Variants in ARHGEF37 observed in about 807,000 individuals in gnomAD.
ARHGEF37 encodes the protein Rho guanine nucleotide exchange factor (GEF) 37.
A neutral mutation model predicts 71.1 loss-of-function variants in ARHGEF37; 55 were observed. The ratio of observed to expected loss-of-function variants is 0.77; its 90% CI spans 0.62 to 0.97. ARHGEF37 has a LOEUF of 0.97. Ranked by LOEUF, ARHGEF37 falls within the 50% of genes least tolerant of loss-of-function variation. The pLI, the probability that ARHGEF37 is intolerant of heterozygous loss-of-function variation, is 0.00. For synonymous variants in ARHGEF37, 327 were observed against 350.6 expected (o/e 0.93, Z 0.75); for missense variants, 765 against 836.8 (o/e 0.91, Z 1.06).
At chr5:149,585,797 G>A (rs1763219717) in intron 1 of ARHGEF37, among the ~76,000 whole-genome samples, 1 of 152,236 alleles carries the variant, frequency 6.6e-6, no homozygotes, top group Admixed American at 6.5e-5. Context: ...CGGATTACAA[G>A]TGTGAGCCAC....
In ARHGEF37 at chr5:149,576,431, G is replaced by T. The variant is rs184312071; in HGVS notation, c.-11-21328G>T. Among the ~76,000 whole-genome samples the T allele has an allele frequency of 1.3e-4, 20 of 152,330 alleles. No individual in the cohort carries two copies. In the East Asian group the frequency reaches 3.7e-3, roughly 28 times the overall value. ...TCAGTTTTCTCATTTGTAGAAAGAAGATGGTAACACTTATCTTTTAGTATC... is the reference window on the plus strand; with the variant it reads ...TCAGTTTTCTCATTTGTAGAAAGAATATGGTAACACTTATCTTTTAGTATC... On this transcript the variant is annotated intron_variant, in intron 1 of 2. Coordinates refer to the ARHGEF37 transcript ENST00000505810.
In ARHGEF37 at chr5:149,632,026, G is replaced by A; in HGVS notation, c.1863G>A (p.Val621=). 1.9e-6 allele frequency: 3 copies of A among 1,614,256 alleles called. No individual in the cohort carries two copies. Among genetic ancestry groups the A allele is most frequent in the Admixed American group, 1.7e-5 (1 of 60,032 alleles). ...TTGTGGCCAGAAGCAGCCATGAAGT[G>A]AGCCTGCAGGCAGGCCAGCCTGTGA... The part of the protein sequence containing the change: ...YPFVARSSHE[V]SLQAGQPVTI... Residue 621 remains valine (V), a synonymous_variant, in exon 13 of 13, where the codon GTG becomes GTA. Transcript: ENST00000333677.
chr5:149,587,684 A>T (rs954617519), intron 1 of ARHGEF37, among the ~76,000 whole-genome samples: 1 of 152,142 alleles, frequency 6.6e-6, no homozygotes, highest in African/African-American at 2.4e-5. Context: ...CAGTCTTAAA[A>T]TATGCTTGGT....
intron 4 of ARHGEF37, 118 bp downstream of exon 4, chr5:149,609,813 A>C: frequency 7.1e-7 from 1 of 1,399,012 alleles, no homozygotes; most frequent in Non-Finnish European, 9.7e-7. Context: ...GCTCTGTCAG[A>C]GCCTGTGTTA....
At chr5:149,613,532 A>G (rs960639633) in intron 4 of ARHGEF37, among the ~76,000 whole-genome samples, 2 of 151,998 alleles carry the variant, frequency 1.3e-5, no homozygotes, top group Non-Finnish European at 2.9e-5. Flanking sequence ...TTTTTAGTAC[A>G]GACAGGGTTT....
intron 3 of ARHGEF37, 22 bp downstream of exon 3, chr5:149,601,253 T>A (rs75684240): frequency 6.2e-7 from 1 of 1,603,062 alleles, no homozygotes; most frequent in African/African-American, 1.3e-5. Flanking sequence ...ACCTAAGGAG[T>A]TGTCAGCCTT....
Position 149,557,813 on chromosome 5 carries a change from C to G in ARHGEF37, c.-12+5690C>G, listed in dbSNP as rs181992516. Among the ~76,000 whole-genome samples, 773 of 151,420 alleles carry G rather than the reference C, an allele frequency of 5.1e-3. 7 individuals are homozygous for G. The highest frequency in any genetic ancestry group is 7.6e-3 in the Non-Finnish European group (517 of 67,898). On this transcript the variant is annotated intron_variant, in intron 1 of 2. Coordinates refer to the ARHGEF37 transcript ENST00000505810. Reference sequence around the variant, plus strand: ...TTTGAATATATTTATTCTTTTGATTCATATAGCTTCTAGATTCTAAAGATT... The same window carrying G: ...TTTGAATATATTTATTCTTTTGATTGATATAGCTTCTAGATTCTAAAGATT...
At chr5:149,555,848 GT>G (rs771656084) in intron 1 of ARHGEF37, among the ~76,000 whole-genome samples, 3 of 152,106 alleles carry the variant, frequency 2.0e-5, no homozygotes, top group Non-Finnish European at 4.4e-5. Context: ...TCTTGGCTGG[GT>G]GTGATGGCTC....
intron 3 of ARHGEF37, chr5:149,606,800 T>C (rs1415058580): frequency 2.6e-5 from 4 of 152,222 alleles, no homozygotes; most frequent in African/African-American, 9.6e-5. Context: ...AGGCCTCCAG[T>C]TGCTTCCTGC....
At chr5:149,598,321 TCTTCTTTCTTCC>T (rs1199859527) in intron 2 of ARHGEF37, among the ~76,000 whole-genome samples, 2 of 150,058 alleles carry the variant, frequency 1.3e-5, no homozygotes, top group African/African-American at 2.5e-5. Flanking sequence ...TTCTTCTTCT[TCTTCTTTCTTCC>T]TCTTCCTCTT....
intron 1 of ARHGEF37, among the ~76,000 whole-genome samples, chr5:149,574,594 A>G (rs1325901716): frequency 6.6e-6 from 1 of 152,196 alleles, no homozygotes; most frequent in African/African-American, 2.4e-5. Flanking sequence ...CTTCATGTAC[A>G]ACGGATATGC....
At chr5:149,599,044 G>A (rs1036640628) in intron 2 of ARHGEF37, among the ~76,000 whole-genome samples, 2 of 152,104 alleles carry the variant, frequency 1.3e-5, no homozygotes, top group African/African-American at 2.4e-5. Flanking sequence ...TCTAAGGAAG[G>A]TGGAACTAGG....
intron 3 of ARHGEF37, among the ~76,000 whole-genome samples, chr5:149,601,819 C>T (rs1194733764): frequency 6.6e-6 from 1 of 151,914 alleles, no homozygotes; most frequent in Non-Finnish European, 1.5e-5. Flanking sequence ...GTGCAAAGGC[C>T]CTGAGGCAAG....
At chr5:149,627,871 T>C (rs905505981) in intron 11 of ARHGEF37, among the ~76,000 whole-genome samples, 3 of 152,158 alleles carry the variant, frequency 2.0e-5, no homozygotes, top group Non-Finnish European at 2.9e-5. Flanking sequence ...CCTGAGATTA[T>C]TGTCAGGGGA....
At chr5:149,598,363 C>CT in intron 2 of ARHGEF37, among the ~76,000 whole-genome samples, 1 of 85,482 alleles carries the variant, frequency 1.2e-5, no homozygotes, top group Admixed American at 1.5e-4. Flanking sequence ...CTTCCTCTTC[C>CT]TCTTCTTCCT....
Position 149,627,087 on chromosome 5 carries a change from A to C in ARHGEF37, c.1476A>C (p.Pro492=). 1 of 1,612,506 alleles carries C rather than the reference A, an allele frequency of 6.2e-7. No homozygotes were observed. The highest frequency in any genetic ancestry group is 1.7e-5 in the Admixed American group (1 of 59,822). ...QPPPTTQPLL[P]GSERQVQALL... ...TCCTCCTCTCCCAGCCGCTCCTTCC[A>C]GGGTCTGAACGCCAGGTGCAGGCTC... The change falls in exon 11 of 13, where the codon CCA becomes CCC. Residue 492 remains proline, a synonymous_variant. Transcript: ENST00000333677.
intron 1 of ARHGEF37, among the ~76,000 whole-genome samples, chr5:149,561,556 T>C (rs1359774615): frequency 1.3e-5 from 2 of 152,222 alleles, no homozygotes; most frequent in Non-Finnish European, 2.9e-5. Context: ...AGATATGTCC[T>C]GACAGGGAGG....
At chr5:149,629,094 C>T (rs1412244939) in intron 12 of ARHGEF37, 128 bp downstream of exon 12, 2 of 1,232,266 alleles carry the variant, frequency 1.6e-6, no homozygotes, top group Non-Finnish European at 2.2e-6. Flanking sequence ...AGACCAAGGC[C>T]TTGATCAATG....
chr5:149,599,723 C>G (rs1022777782), intron 2 of ARHGEF37, among the ~76,000 whole-genome samples: 1 of 152,048 alleles, frequency 6.6e-6, no homozygotes, highest in Non-Finnish European at 1.5e-5. Context: ...CTCTTGCTTG[C>G]TACGTTTCAA....
Sources: gnomAD v4.1 joint callset for allele counts (sites outside exome capture counted in the v4.1 genomes callset) on GRCh38, gnomAD v4.1.1 for gene constraint, MANE v1.5 for transcripts, NCBI Gene and HGNC (gene_info 2026-07-23, HGNC 2026-07-21) for gene names.